The following CPLANE1 variants were observed in gnomAD, a reference collection of about 807,000 sequenced individuals.
CPLANE1 encodes ciliogenesis and planar polarity effector 1.
Under a neutral mutation model 362.5 loss-of-function variants are expected in CPLANE1, and 263 were observed. The ratio of observed to expected loss-of-function variants is 0.73; its 90% CI spans 0.66 to 0.80. CPLANE1 has a LOEUF of 0.80. Ranked by LOEUF, CPLANE1 falls within the 30% of genes least tolerant of loss-of-function variation. CPLANE1 has a pLI of 0.00. For missense variants in CPLANE1, 3,461 were observed against 3,793.4 expected (o/e 0.91, Z 2.30); for synonymous variants, 1,212 against 1,302.6 (o/e 0.93, Z 1.50).
chr5:37,220,411 C>T (rs560369748), intron 15 of CPLANE1, among the ~76,000 whole-genome samples: 1 of 152,218 alleles, frequency 6.6e-6, no homozygotes, highest in Admixed American at 6.5e-5. Context: ...ACCCTATAAG[C>T]ATTATAAATA....
Position 37,157,425 on chromosome 5 carries a change from A to G in CPLANE1, c.8012-5T>C. ...CCAGACAAGCTGGAGTTACTTCTGC[A>G]GGTTTAGAAAATAAATCCATAGAGG... On this transcript the variant is annotated splice_region_variant and splice_polypyrimidine_tract_variant and intron_variant, in intron 40 of 52. Transcript: ENST00000651892. 1.3e-6 allele frequency: 2 copies of G among 1,482,808 alleles called. No individual in the cohort carries two copies. Among genetic ancestry groups the G allele is most frequent in the Non-Finnish European group, 1.8e-6 (2 of 1,105,976 alleles). The allele number at this position is 1,482,808 out of a possible 1,614,324, so 91.9% of individuals were successfully genotyped here. A position where few individuals can be genotyped will look rare whatever the true frequency, so the allele number is the denominator to read the frequency against.
intron 24 of CPLANE1, 28 bp downstream of exon 24, chr5:37,186,258 T>C: frequency 3.8e-6 from 4 of 1,054,868 alleles, no homozygotes; most frequent in Non-Finnish European, 5.8e-6. Flanking sequence ...ATTTATCTGT[T>C]AGCTATCTGA....
At chr5:37,171,438 A>C (rs1779758612) in intron 32 of CPLANE1, among the ~76,000 whole-genome samples, 1 of 152,200 alleles carries the variant, frequency 6.6e-6, no homozygotes, top group Non-Finnish European at 1.5e-5. Flanking sequence ...AGTCTAAGTG[A>C]TGCTGATACT....
intron 46 of CPLANE1, among the ~76,000 whole-genome samples, chr5:37,135,155 C>T (rs539236946): frequency 1.3e-5 from 2 of 152,154 alleles, no homozygotes; most frequent in South Asian, 2.1e-4. Flanking sequence ...GTTGTGTCTT[C>T]GTTTTCATTT....
At chr5:37,081,145 G>GTAAA in the CPLANE1 span, among the ~76,000 whole-genome samples, 11 of 151,964 alleles carry the variant, frequency 7.2e-5, no homozygotes, top group African/African-American at 2.7e-4. Flanking sequence ...TGTCTCATAA[G>GTAAA]TAAATAAATA....
intron 16 of CPLANE1, chr5:37,212,259 TC>T: frequency 7.2e-7 from 1 of 1,395,760 alleles, no homozygotes; most frequent in East Asian, 2.3e-5. Flanking sequence ...AGACCAGGAG[TC>T]GGCAGATAAG....
the CPLANE1 span, among the ~76,000 whole-genome samples, chr5:37,101,049 C>T: frequency 6.6e-6 from 1 of 152,228 alleles, no homozygotes; most frequent in Middle Eastern, 3.4e-3. Flanking sequence ...GATCACACCA[C>T]CTGCAAACAA....
chr5:37,210,164 C>G lies in CPLANE1; in HGVS notation c.2920+3395G>C, dbSNP rs1429573393. ...CCCTTGTTATTCGGGAAAAGAGCAC[C>G]CTTGAGAGAATTCAAAAGCACCAAG... is the stretch of plus-strand genomic sequence containing the variant. On this transcript the variant is annotated intron_variant, in intron 16 of 52. Coordinates refer to ENST00000651892, the MANE Select transcript of CPLANE1 (RefSeq NM_001384732.1). The G allele has an allele frequency of 3.6e-5, 44 of 1,216,168 alleles. No homozygotes were observed. The Admixed American group carries it at 7.3e-4, about 20-fold the overall frequency. The allele number at this position is 1,216,168 out of a possible 1,614,324, so 75.3% of individuals were successfully genotyped here.
chr5:37,217,807 T>C (rs1219231694), intron 15 of CPLANE1, among the ~76,000 whole-genome samples: 1 of 150,962 alleles, frequency 6.6e-6, no homozygotes, highest in Non-Finnish European at 1.5e-5. Flanking sequence ...TGAAACTCTG[T>C]CTCTACTAAA....
intron 7 of CPLANE1, 136 bp from the exon 8 acceptor site, chr5:37,239,096 A>T: frequency 2.3e-6 from 1 of 440,176 alleles, no homozygotes; most frequent in Non-Finnish European, 4.1e-6. Context: ...GCAAAGCAAT[A>T]TTGACCCCTG....
chr5:37,215,997 AATTTTTTTTGT>A (rs1793984342), intron 15 of CPLANE1, among the ~76,000 whole-genome samples: 1 of 151,646 alleles, frequency 6.6e-6, no homozygotes, highest in African/African-American at 2.4e-5. Context: ...TTGACCGGCT[AATTTTTTTTGT>A]ATTTTTTTGG....
At position 37,180,165 on chromosome 5, in the gene CPLANE1, T is replaced by C; in HGVS notation, c.5589A>G (p.Ala1863=). 6.6e-7 allele frequency: 1 copy of C among 1,521,348 alleles called. No individual in the cohort carries two copies. 94.2% of individuals were successfully genotyped at this position (1,521,348 alleles called of 1,614,324 possible). Residue 1863 remains alanine (A), a synonymous_variant, in exon 28 of 53, where the codon GCA becomes GCG. Transcript: ENST00000651892. ...TGATTTCTTTTATATCAGGATTTTTTGCTTCAGTTGGCATTCTACTGAAAA... is the reference window on the plus strand; with the variant it reads ...TGATTTCTTTTATATCAGGATTTTTCGCTTCAGTTGGCATTCTACTGAAAA... ...QNILNRMPTE[A]KNPDIKEIND...
chr5:37,242,953 C>T (rs1329616380), intron 6 of CPLANE1, 60 bp downstream of exon 6: 2 of 1,175,042 alleles, frequency 1.7e-6, no homozygotes, highest in Admixed American at 2.4e-5. Context: ...CACAGCAAGA[C>T]CCTGCCTCCA....
chr5:37,121,487 T>C (rs1011838329), intron 49 of CPLANE1, 130 bp downstream of exon 49: 18 of 823,960 alleles, frequency 2.2e-5, no homozygotes, highest in African/African-American at 3.5e-5. Context: ...GAGGCTACTT[T>C]TTTCCTTTAT....
chr5:37,207,396 G>A (rs1202428642), intron 16 of CPLANE1, among the ~76,000 whole-genome samples: 1 of 152,206 alleles, frequency 6.6e-6, no homozygotes, highest in African/African-American at 2.4e-5. Flanking sequence ...AAGCAAAGGA[G>A]CCAGGAGACT....
In CPLANE1 at chr5:37,216,252, G is replaced by A. The variant is rs1352075080; in HGVS notation, c.2747-2520C>T. ...GGGGGCAGGCAGTAGCAAAAAGAAC[G>A]TGTGGGGTGGGCCAGGCACAGAGGC... On this transcript the variant is annotated intron_variant, in intron 15 of 52. Transcript: ENST00000651892. 6.6e-5 allele frequency among the ~76,000 whole-genome samples: 10 copies of A among 152,096 alleles called. No individual in the cohort carries two copies. In the South Asian group the frequency reaches 1.2e-3, roughly 19 times the overall value.
intron 15 of CPLANE1, among the ~76,000 whole-genome samples, chr5:37,215,731 T>A (rs1194331381): frequency 6.7e-6 from 1 of 148,716 alleles, no homozygotes; most frequent in African/African-American, 2.5e-5. Context: ...CGTTTTTCCT[T>A]CTCTTTCCTT....
intron 46 of CPLANE1, among the ~76,000 whole-genome samples, chr5:37,136,738 A>G (rs1256177132): frequency 6.6e-6 from 1 of 152,144 alleles, no homozygotes; most frequent in African/African-American, 2.4e-5. Context: ...ATTCACCCAC[A>G]AGCTCAACAC....
Position 37,195,918 on chromosome 5 carries a change from A to G in CPLANE1, c.3751T>C (p.Phe1251Leu). Residue 1251 changes from phenylalanine to leucine, a missense_variant, in exon 21 of 53, where the codon TTT becomes CTT. By Grantham distance (22) the Phe-to-Leu change is conservative (BLOSUM62 0). Around this residue, in one of 2 missense-constraint regions of CPLANE1, gnomAD observed 3,380 missense variants for 3,666.1 expected, o/e 0.92. Coordinates refer to ENST00000651892, the MANE Select transcript of CPLANE1 (RefSeq NM_001384732.1). ...TCTCCAGCTGCTCCAGGTCTAAAAA[A>G]TGCGATACCTCCTTTACAGTAATTA... ...LLNYCKGGIA[F>L]FRPGAAGDHK... The G allele has an allele frequency of 6.2e-7, 1 of 1,613,630 alleles. No homozygotes were observed. Among genetic ancestry groups the G allele is most frequent in the Non-Finnish European group, 8.5e-7 (1 of 1,179,826 alleles).
Sources: gnomAD v4.1 joint callset for allele counts (sites outside exome capture counted in the v4.1 genomes callset) on GRCh38, gnomAD v4.1.1 for gene constraint, gnomAD v4.1.1 regional missense constraint, MANE v1.5 for transcripts, NCBI Gene and HGNC (gene_info 2026-07-23, HGNC 2026-07-21) for gene names.